The following CEP162 variants were observed in gnomAD, a reference collection of about 807,000 sequenced individuals.
CEP162 encodes the protein centrosomal protein 162.
Under a neutral mutation model 169.2 loss-of-function variants are expected in CEP162, and 141 were observed. That is an observed-to-expected ratio of 0.83 (90% CI 0.73 to 0.96). CEP162 has a LOEUF of 0.96. CEP162 is among the 40% of genes least tolerant of loss of function. CEP162 has a pLI of 0.00. For missense variants in CEP162, 1,600 were observed against 1,587.2 expected (o/e 1.01, Z -0.14); for synonymous variants, 540 against 526.4 (o/e 1.03, Z -0.35).
chr6:84,134,737 C>CT, intron 25 of CEP162, among the ~76,000 whole-genome samples: 1 of 152,270 alleles, frequency 6.6e-6, no homozygotes, highest in African/African-American at 2.4e-5. Context: ...GTAGAAATCA[C>CT]TTTCCTTCTG....
At chr6:84,208,932 G>A (rs1032971557) in intron 6 of CEP162, among the ~76,000 whole-genome samples, 4 of 152,346 alleles carry the variant, frequency 2.6e-5, no homozygotes, top group Non-Finnish European at 2.9e-5. Context: ...AGTGACCCTC[G>A]AGATTAGACT....
intron 21 of CEP162, among the ~76,000 whole-genome samples, chr6:84,157,443 G>T (rs1361318141): frequency 1.3e-5 from 2 of 152,132 alleles, no homozygotes; most frequent in African/African-American, 4.8e-5. Flanking sequence ...AAGCCAAGGC[G>T]GGTGGATCAC....
rs377127602 is a variant in CEP162, at chr6:84,174,761, T to A, written c.1991A>T (p.Lys664Ile). The change falls in exon 15 of 27, where the codon AAA (lysine) becomes ATA (isoleucine). Residue 664 changes from lysine to isoleucine, a missense_variant. Transcript: ENST00000403245. ...LKKQQEKELFKLNQDNYILQA... is the reference protein window; with the variant it reads ...LKKQQEKELFILNQDNYILQA... ...AAGAATATAATTATCTTGATTCAATTTGAAGAGTTCTTTTTCCTGTTGTTT... is the reference window on the plus strand; with the variant it reads ...AAGAATATAATTATCTTGATTCAATATGAAGAGTTCTTTTTCCTGTTGTTT... 6.5e-7 allele frequency: 1 copy of A among 1,537,222 alleles called. No individual in the cohort carries two copies. The highest frequency in any genetic ancestry group is 2.3e-5 in the East Asian group (1 of 43,436).
chr6:84,149,761 G>A, intron 23 of CEP162, 58 bp from the exon 24 acceptor site: 1 of 1,376,268 alleles, frequency 7.3e-7, no homozygotes. Flanking sequence ...CTCTAATTCA[G>A]AGTTAGCACA....
chr6:84,182,026 A>T (rs2129229105), intron 13 of CEP162, among the ~76,000 whole-genome samples: 1 of 152,176 alleles, frequency 6.6e-6, no homozygotes, highest in African/African-American at 2.4e-5. Context: ...TCTTAGGAAG[A>T]AATTTCTTTT....
intron 18 of CEP162, among the ~76,000 whole-genome samples, chr6:84,166,451 C>G (rs1017750637): frequency 6.6e-6 from 1 of 152,204 alleles, no homozygotes; most frequent in Non-Finnish European, 1.5e-5. Flanking sequence ...CCATTATTCT[C>G]TATTTTCATT....
intron 25 of CEP162, among the ~76,000 whole-genome samples, chr6:84,137,163 C>T (rs971265829): frequency 5.1e-4 from 77 of 152,294 alleles, no homozygotes; most frequent in African/African-American, 1.8e-3. Context: ...AGCTCCTGGA[C>T]AACTATATGA....
Position 84,174,761 on chromosome 6 carries a change from T to G in CEP162, c.1991A>C (p.Lys664Thr), listed in dbSNP as rs377127602. 21 of 1,537,104 alleles carry G rather than the reference T, an allele frequency of 1.4e-5. No homozygotes were observed. The African/African-American group carries it at 2.7e-4, about 20-fold the overall frequency. ...AAGAATATAATTATCTTGATTCAAT[T>G]TGAAGAGTTCTTTTTCCTGTTGTTT... is the stretch of plus-strand genomic sequence containing the variant. ...LKKQQEKELF[K>T]LNQDNYILQA... is the part of the protein sequence containing the mutation. Residue 664 changes from lysine to threonine, a missense_variant, in exon 15 of 27, where the codon AAA becomes ACA. Transcript: ENST00000403245.
At chr6:84,180,347 A>C (rs1467307865) in intron 13 of CEP162, among the ~76,000 whole-genome samples, 3 of 152,144 alleles carry the variant, frequency 2.0e-5, no homozygotes, top group African/African-American at 4.8e-5. Flanking sequence ...ACGTATCTCA[A>C]AATAATAAGA....
chr6:84,136,972 TCTC>T (rs1395300269), intron 25 of CEP162, among the ~76,000 whole-genome samples: 3 of 152,188 alleles, frequency 2.0e-5, no homozygotes, highest in African/African-American at 7.2e-5. Context: ...AGTTTTGGGC[TCTC>T]CTGACCATGC....
rs1478301660 is a variant in CEP162 at position 84,138,814 on chromosome 6, GGTTCTGTAAAC to G, written c.3870+7862_3870+7872del. ...ACTAAAAACTTTACTTCAGTTCTGA[GGTTCTGTAAAC>G]TTAGTGCTTATGTTAACAAAGTTTT... is the stretch of plus-strand genomic sequence containing the variant. On this transcript the variant is annotated intron_variant, in intron 25 of 26. Coordinates refer to ENST00000403245, the MANE Select transcript of CEP162 (RefSeq NM_014895.4). 1.9e-4 allele frequency among the ~76,000 whole-genome samples: 29 copies of G among 152,148 alleles called. 1 individual carries two copies. In the East Asian group the frequency reaches 5.6e-3, roughly 29 times the overall value.
chr6:84,147,076 A>AAGAT (rs2099519206), intron 24 of CEP162, among the ~76,000 whole-genome samples: 1 of 152,170 alleles, frequency 6.6e-6, no homozygotes, highest in South Asian at 2.1e-4. Flanking sequence ...CACAATAGCA[A>AAGAT]AGATATGGAA....
intron 16 of CEP162, among the ~76,000 whole-genome samples, chr6:84,173,199 G>A (rs980766402): frequency 3.3e-5 from 5 of 152,146 alleles, no homozygotes; most frequent in Admixed American, 6.5e-5. Flanking sequence ...AACTTTCATT[G>A]ATCGATTGCT....
intron 19 of CEP162, 67 bp downstream of exon 19, chr6:84,163,077 A>G (rs2099526422): frequency 6.2e-6 from 9 of 1,457,136 alleles, no homozygotes; most frequent in Non-Finnish European, 7.6e-6. Context: ...TTCAATTTCT[A>G]TTACTTAAAT....
At chr6:84,207,880 C>G (rs1237385111) in intron 6 of CEP162, among the ~76,000 whole-genome samples, 1 of 152,048 alleles carries the variant, frequency 6.6e-6, no homozygotes, top group African/African-American at 2.4e-5. Context: ...CCCAAAGAAT[C>G]TTGAATTACC....
intron 13 of CEP162, among the ~76,000 whole-genome samples, chr6:84,175,823 T>C (rs1367532326): frequency 2.6e-5 from 4 of 152,254 alleles, no homozygotes; most frequent in East Asian, 1.9e-4. Flanking sequence ...ATAGTATCAA[T>C]GGAATAATAT....
At chr6:84,132,810 A>G (rs1295976094) in intron 25 of CEP162, among the ~76,000 whole-genome samples, 1 of 151,976 alleles carries the variant, frequency 6.6e-6, no homozygotes. Context: ...ACCTCGGAGA[A>G]GTTTGTTATT....
intron 14 of CEP162, 50 bp downstream of exon 14, chr6:84,175,164 A>G: frequency 8.0e-7 from 1 of 1,249,934 alleles, no homozygotes; most frequent in Non-Finnish European, 1.1e-6. Context: ...TTTAGTTTTA[A>G]TATAATTTTA....
At chr6:84,206,874 G>GA (rs1343907982) in intron 6 of CEP162, among the ~76,000 whole-genome samples, 3 of 152,094 alleles carry the variant, frequency 2.0e-5, no homozygotes, top group African/African-American at 4.8e-5. Context: ...AAATTTATAA[G>GA]AAAAAATCAA....
Sources: gnomAD v4.1 joint callset for allele counts (sites outside exome capture counted in the v4.1 genomes callset) on GRCh38, gnomAD v4.1.1 for gene constraint, MANE v1.5 for transcripts, NCBI Gene and HGNC (gene_info 2026-07-23, HGNC 2026-07-21) for gene names.